Variants in NEO1 observed in about 807,000 individuals in gnomAD.
NEO1 encodes the protein neogenin 1.
In NEO1, 63 loss-of-function variants were observed where a neutral mutation model predicts 159.7. That is an observed-to-expected ratio of 0.39 (90% CI 0.32 to 0.49). NEO1 has a LOEUF of 0.49. Among genes scored for constraint, NEO1 ranks in the 20% least tolerant of loss-of-function variants. The pLI is 0.85. For synonymous variants in NEO1, 633 were observed against 662.0 expected (o/e 0.96, Z 0.67); for missense variants, 1,615 against 1,831.0 (o/e 0.88, Z 2.15).
At chr15:73,133,941 A>G (rs1488901687) in intron 4 of NEO1, among the ~76,000 whole-genome samples, 1 of 152,204 alleles carries the variant, frequency 6.6e-6, no homozygotes, top group Non-Finnish European at 1.5e-5. Context: ...AATATTTTTT[A>G]GTGTAATTAT....
intron 3 of NEO1, among the ~76,000 whole-genome samples, chr15:73,123,399 T>G (rs544493393): frequency 1.0e-3 from 152 of 152,278 alleles, no homozygotes; most frequent in Middle Eastern, 3.4e-3. Context: ...ATAGGATATT[T>G]TTATTGTTAG....
chr15:73,198,117 TTTTC>T (rs1210625381), intron 7 of NEO1, among the ~76,000 whole-genome samples: 1 of 152,204 alleles, frequency 6.6e-6, no homozygotes, highest in African/African-American at 2.4e-5. Context: ...CATCTTGATT[TTTTC>T]TTTCTATTTA....
chr15:73,089,699 G>A (rs1267525177), intron 1 of NEO1, among the ~76,000 whole-genome samples: 2 of 151,610 alleles, frequency 1.3e-5, no homozygotes, highest in Non-Finnish European at 1.5e-5. Flanking sequence ...ACTATTGAAG[G>A]GAATATAGAT....
rs574177787 is a variant in NEO1, at chr15:73,244,583, G to A, written c.1606+85G>A. 33 of 1,400,298 alleles carry A rather than the reference G, an allele frequency of 2.4e-5. No individual in the cohort carries two copies. In the South Asian group the frequency reaches 4.5e-4, roughly 19 times the overall value. The allele number at this position is 1,400,298 out of a possible 1,614,324, so 86.7% of individuals were successfully genotyped here. On this transcript the variant is annotated intron_variant, in intron 9 of 28. Transcript: ENST00000261908. ...TTTGTTTAGCCTTGCACACCATAGG[G>A]GAGCAGAAGATAACAGTTCCTTACT...
intron 16 of NEO1, among the ~76,000 whole-genome samples, chr15:73,268,713 A>T (rs919274447): frequency 6.6e-6 from 1 of 152,236 alleles, no homozygotes; most frequent in Non-Finnish European, 1.5e-5. Flanking sequence ...GTGTAAACTT[A>T]GAAAACCTAA....
intron 7 of NEO1, among the ~76,000 whole-genome samples, chr15:73,186,080 A>G (rs2035904584): frequency 6.6e-6 from 1 of 152,086 alleles, no homozygotes; most frequent in Admixed American, 6.6e-5. Flanking sequence ...AAACATGAAA[A>G]TATCTTGAAG....
intron 1 of NEO1, among the ~76,000 whole-genome samples, chr15:73,090,025 A>G (rs923376624): frequency 6.6e-6 from 1 of 152,150 alleles, no homozygotes; most frequent in African/African-American, 2.4e-5. Flanking sequence ...CCTGGTTTGG[A>G]AGATAATTTA....
At chr15:73,227,229 C>G (rs907022026) in intron 7 of NEO1, among the ~76,000 whole-genome samples, 1 of 152,170 alleles carries the variant, frequency 6.6e-6, no homozygotes, top group African/African-American at 2.4e-5. Flanking sequence ...GGCGCAGTGG[C>G]TCATACCTGT....
rs543519709 is a variant in NEO1, at chr15:73,231,143, A to G, written c.1292-5204A>G. Among the ~76,000 whole-genome samples the G allele has an allele frequency of 3.9e-5, 6 of 152,342 alleles. No homozygotes were observed. The South Asian group carries it at 1.2e-3, about 32-fold the overall frequency. On this transcript the variant is annotated intron_variant, in intron 7 of 28. Transcript: ENST00000261908. ...TATTCTGTCAAAAACTGCTAAAACTATTAGACAAAGTTAGGAAGGATATAA... is the reference window on the plus strand; with the variant it reads ...TATTCTGTCAAAAACTGCTAAAACTGTTAGACAAAGTTAGGAAGGATATAA...
chr15:73,241,449 CTT>C (rs539827239), intron 8 of NEO1, among the ~76,000 whole-genome samples: 68 of 152,270 alleles, frequency 4.5e-4, no homozygotes, highest in South Asian at 1.4e-3. Context: ...CATTTTGCCT[CTT>C]GGCCTATAAA....
chr15:73,297,418 A>G (rs1188617748), intron 26 of NEO1, among the ~76,000 whole-genome samples: 1 of 152,220 alleles, frequency 6.6e-6, no homozygotes, highest in African/African-American at 2.4e-5. Flanking sequence ...AAAGAATCTT[A>G]ATAGATAGAT....
At chr15:73,165,924 T>C (rs992712996) in intron 5 of NEO1, among the ~76,000 whole-genome samples, 3 of 152,204 alleles carry the variant, frequency 2.0e-5, no homozygotes, top group Non-Finnish European at 4.4e-5. Flanking sequence ...ACTGCACATG[T>C]GTCAGGAGAC....
intron 1 of NEO1, among the ~76,000 whole-genome samples, chr15:73,068,140 C>G (rs2068317834): frequency 6.6e-6 from 1 of 151,780 alleles, no homozygotes; most frequent in South Asian, 2.1e-4. Context: ...AGGTTTACTG[C>G]TAACGCATTG....
intron 4 of NEO1, among the ~76,000 whole-genome samples, chr15:73,134,038 A>G (rs769277889): frequency 1.3e-5 from 2 of 152,186 alleles, no homozygotes; most frequent in Non-Finnish European, 2.9e-5. Flanking sequence ...ATATGTATAC[A>G]TTGCTGATTT....
rs117305945 is a variant in NEO1 at position 73,091,971 on chromosome 15, A to G, written c.131-24569A>G. Among the ~76,000 whole-genome samples the G allele has an allele frequency of 8.6e-3, 1,316 of 152,208 alleles. 9 individuals carry two copies. The highest frequency in any genetic ancestry group is 0.014 in the Non-Finnish European group (962 of 68,010). ...GTGACAGTTGCAAGAAAAATTACTT[A>G]AATAAATGCATGCCAGGATTTGTGA... On this transcript the variant is annotated intron_variant, in intron 1 of 28. Transcript: ENST00000261908.
chr15:73,167,026 C>CA (rs1405975586), intron 5 of NEO1, among the ~76,000 whole-genome samples: 7 of 148,444 alleles, frequency 4.7e-5, no homozygotes, highest in Non-Finnish European at 1.0e-4. Context: ...ATCGCAAGGA[C>CA]AAAAAACCAA....
intron 22 of NEO1, among the ~76,000 whole-genome samples, chr15:73,279,345 G>GTT (rs34303412): frequency 2.6e-5 from 2 of 77,798 alleles, no homozygotes; most frequent in Non-Finnish European, 7.2e-5. Flanking sequence ...TGTTGTTTTG[G>GTT]TTTTGGTTTT....
intron 5 of NEO1, among the ~76,000 whole-genome samples, chr15:73,154,590 A>T (rs1395804613): frequency 6.6e-6 from 1 of 152,210 alleles, no homozygotes; most frequent in African/African-American, 2.4e-5. Context: ...AGAACATCTG[A>T]AGCATGTCTT....
intron 5 of NEO1, among the ~76,000 whole-genome samples, chr15:73,154,677 C>G (rs1253004535): frequency 6.6e-6 from 1 of 152,226 alleles, no homozygotes; most frequent in Non-Finnish European, 1.5e-5. Context: ...GTCCTGCTCA[C>G]TTTCAGTTTC....
Sources: allele counts gnomAD v4.1 joint callset (sites outside exome capture counted in the v4.1 genomes callset), GRCh38; gene constraint gnomAD v4.1.1; transcripts MANE v1.5; gene names NCBI Gene and HGNC (gene_info 2026-07-23, HGNC 2026-07-21).